Variants in RPH3A observed in about 807,000 individuals in gnomAD.
RPH3A encodes the protein rabphilin-3A.
A neutral mutation model predicts 102.2 loss-of-function variants in RPH3A; 48 were observed. The ratio of observed to expected loss-of-function variants is 0.47; its 90% CI spans 0.37 to 0.60. RPH3A has a LOEUF of 0.60. RPH3A is among the 20% of genes least tolerant of loss of function. The pLI, the probability that RPH3A is intolerant of heterozygous loss-of-function variation, is 0.00. For missense variants in RPH3A, 781 were observed against 910.1 expected (o/e 0.86, Z 1.83); for synonymous variants, 310 against 324.3 (o/e 0.96, Z 0.47).
At chr12:112,715,044 C>T (rs1240881955) in intron 1 of RPH3A, among the ~76,000 whole-genome samples, 1 of 152,238 alleles carries the variant, frequency 6.6e-6, no homozygotes, top group Non-Finnish European at 1.5e-5. Flanking sequence ...CCGATTTCTC[C>T]TTACAATTCT....
chr12:112,678,885 C>G (rs2040206652), intron 1 of RPH3A, among the ~76,000 whole-genome samples: 1 of 152,120 alleles, frequency 6.6e-6, no homozygotes, highest in Non-Finnish European at 1.5e-5. Context: ...AGCCCTGGAG[C>G]CTGTGAGAAG....
intron 1 of RPH3A, among the ~76,000 whole-genome samples, chr12:112,670,152 T>C (rs530570116): frequency 1.4e-4 from 21 of 152,340 alleles, no homozygotes; most frequent in African/African-American, 5.0e-4. Flanking sequence ...ACTCATCCAC[T>C]TATAGGAAGC....
rs138951888 is a variant in RPH3A, at chr12:112,732,355, C to T, written c.-139-59788C>T. Among the ~76,000 whole-genome samples the T allele has an allele frequency of 1.9e-3, 282 of 152,340 alleles. 3 individuals carry two copies. The highest frequency in any genetic ancestry group is 6.2e-3 in the African/African-American group (259 of 41,578). On this transcript the variant is annotated intron_variant, in intron 1 of 21. Transcript: ENST00000543106. Reference sequence around the variant, plus strand: ...TTGAAGTCCAACACACTTGGGCTGGCATCCCCGCTCTCCATTTGCTAGCCA... The same window carrying T: ...TTGAAGTCCAACACACTTGGGCTGGTATCCCCGCTCTCCATTTGCTAGCCA...
chr12:112,628,568 C>CAA lies in RPH3A; in HGVS notation c.-140+53290_-140+53291dup, dbSNP rs771688201. 2.3e-3 allele frequency among the ~76,000 whole-genome samples: 63 copies of CAA among 27,046 alleles called. 13 individuals are homozygous for CAA. The highest frequency in any genetic ancestry group is 4.0e-3 in the Admixed American group (5 of 1,262). 17.7% of individuals were successfully genotyped at this position (27,046 alleles called of 152,430 possible). A position where few individuals can be genotyped will look rare whatever the true frequency, so the allele number is the denominator to read the frequency against. ...AACATTGCAAGGCCTGTCTTTACCA[C>CAA]AAAAAAAAAAAAAAAAAAAAAAAAA... On this transcript the variant is annotated intron_variant, in intron 1 of 21. Transcript: ENST00000543106.
At chr12:112,786,628 T>C (rs1286992798) in intron 1 of RPH3A, among the ~76,000 whole-genome samples, 1 of 152,222 alleles carries the variant, frequency 6.6e-6, no homozygotes, top group Non-Finnish European at 1.5e-5. Context: ...GCTTTGAGCA[T>C]GTTTCCTTTC....
At chr12:112,721,580 C>T (rs2136042587) in intron 1 of RPH3A, among the ~76,000 whole-genome samples, 1 of 151,664 alleles carries the variant, frequency 6.6e-6, no homozygotes, top group East Asian at 1.9e-4. Context: ...AAATAATATC[C>T]CTTTATTAAA....
rs184260893 is a variant in RPH3A at position 112,831,044 on chromosome 12, A to G, written c.71+2655A>G. On this transcript the variant is annotated intron_variant, in intron 3 of 21. Transcript: ENST00000389385. ...ATAAAGTCTCCATTGCAACTACTCC[A>G]CTTTCACTGTTCTAGAGCAAAATCA... Among the ~76,000 whole-genome samples, 898 of 151,618 alleles carry G rather than the reference A, an allele frequency of 5.9e-3. 5 individuals carry two copies. Among genetic ancestry groups the G allele is most frequent in the Admixed American group, 6.4e-3 (98 of 15,236 alleles).
intron 5 of RPH3A, among the ~76,000 whole-genome samples, chr12:112,850,545 G>A (rs1327217578): frequency 2.6e-5 from 4 of 152,190 alleles, no homozygotes; most frequent in African/African-American, 7.2e-5. Flanking sequence ...TTCCCAGAGT[G>A]GGGAGGACAG....
intron 1 of RPH3A, among the ~76,000 whole-genome samples, chr12:112,677,565 G>T (rs232933): frequency 0.54 from 81,148 of 148,938 alleles, 22,384 homozygotes; most frequent in East Asian, 0.63. Flanking sequence ...CTCCTAAAGT[G>T]CTGGGATTAC....
chr12:112,751,671 C>T (rs563419606), intron 1 of RPH3A, among the ~76,000 whole-genome samples: 1 of 152,098 alleles, frequency 6.6e-6, no homozygotes, highest in African/African-American at 2.4e-5. Flanking sequence ...AATCCCAGCA[C>T]TTTGGGAGGC....
intron 1 of RPH3A, among the ~76,000 whole-genome samples, chr12:112,676,359 C>G (rs964338306): frequency 5.9e-5 from 9 of 152,202 alleles, no homozygotes; most frequent in Non-Finnish European, 1.5e-5. Context: ...GGTTCCCTAC[C>G]AGCCACCAAC....
intron 1 of RPH3A, among the ~76,000 whole-genome samples, chr12:112,746,418 C>G (rs1309922044): frequency 6.6e-6 from 1 of 151,980 alleles, no homozygotes; most frequent in South Asian, 2.1e-4. Flanking sequence ...AGAAGCCAGA[C>G]CTCCAAATAC....
chr12:112,800,588 G>A (rs4767011), intron 2 of RPH3A, among the ~76,000 whole-genome samples: 5,268 of 152,252 alleles, frequency 0.035, 204 homozygotes, highest in Admixed American at 0.11. Context: ...AGTGCAGGAG[G>A]TGGGATGGAA....
At chr12:112,875,899 C>G (rs750376910) in intron 12 of RPH3A, among the ~76,000 whole-genome samples, 158 bp downstream of exon 12, 3 of 152,184 alleles carry the variant, frequency 2.0e-5, no homozygotes, top group Non-Finnish European at 4.4e-5. Flanking sequence ...TTTAGATAGT[C>G]CGTACTAAGA....
chr12:112,661,849 C>T (rs1321991547), intron 1 of RPH3A, among the ~76,000 whole-genome samples: 2 of 151,916 alleles, frequency 1.3e-5, no homozygotes, highest in African/African-American at 4.8e-5. Context: ...TGAACAAACT[C>T]CCCCCAGCCA....
intron 1 of RPH3A, among the ~76,000 whole-genome samples, chr12:112,723,391 G>C (rs549899151): frequency 2.8e-4 from 43 of 152,322 alleles, no homozygotes; most frequent in South Asian, 2.1e-4. Flanking sequence ...TACATTTCTA[G>C]TACTATACTG....
intron 2 of RPH3A, among the ~76,000 whole-genome samples, chr12:112,819,660 G>C (rs1053850651): frequency 6.6e-6 from 1 of 152,196 alleles, no homozygotes; most frequent in African/African-American, 2.4e-5. Context: ...AGTTCAGCTG[G>C]GTTCAGCTAG....
At chr12:112,722,452 A>G (rs923115059) in intron 1 of RPH3A, among the ~76,000 whole-genome samples, 3 of 152,194 alleles carry the variant, frequency 2.0e-5, no homozygotes, top group Non-Finnish European at 4.4e-5. Flanking sequence ...GTTGTAGAAT[A>G]CTCTACTAGT....
intron 1 of RPH3A, among the ~76,000 whole-genome samples, chr12:112,766,470 A>G (rs2891400): frequency 8.9e-4 from 135 of 152,264 alleles, no homozygotes; most frequent in African/African-American, 3.1e-3. Flanking sequence ...TTATTGATTA[A>G]GGAGTGTTCC....
Sources: gnomAD v4.1 joint callset for allele counts (sites outside exome capture counted in the v4.1 genomes callset) on GRCh38, gnomAD v4.1.1 for gene constraint, MANE v1.5 for transcripts, NCBI Gene and HGNC (gene_info 2026-07-23, HGNC 2026-07-21) for gene names.